The following ANXA11 variants were observed in gnomAD, a reference collection of about 807,000 sequenced individuals.
ANXA11 encodes the protein 56 kDa autoantigen.
In ANXA11, 57 loss-of-function variants were observed where a neutral mutation model predicts 64.7. The observed-to-expected ratio is 0.88, with a 90% CI of 0.71 to 1.10. The LOEUF (loss-of-function observed/expected upper bound fraction) is 1.10. Among genes scored for constraint, ANXA11 ranks in the 50% least tolerant of loss-of-function variants. The pLI, the probability that ANXA11 is intolerant of heterozygous loss-of-function variation, is 0.00. For missense variants in ANXA11, 675 were observed against 670.7 expected, an observed-to-expected ratio of 1.01 and a Z score of -0.07; for synonymous variants, 260 against 265.2, an observed-to-expected ratio of 0.98 and a Z score of 0.19.
At chr10:80,166,801 G>A (rs1021619632) in intron 7 of ANXA11, 89 bp downstream of exon 7, 7 of 1,017,428 alleles carry the variant, frequency 6.9e-6, no homozygotes, top group East Asian at 5.2e-5. Flanking sequence ...CGGGAGATCC[G>A]GGCCCACCCA....
intron 1 of ANXA11, among the ~76,000 whole-genome samples, chr10:80,199,469 A>G (rs1432972953): frequency 6.6e-6 from 1 of 152,082 alleles, no homozygotes; most frequent in Non-Finnish European, 1.5e-5. Flanking sequence ...AAATAAATGC[A>G]AAGAAAAACA....
At chr10:80,167,205 G>C (rs751599574) in intron 6 of ANXA11, 21 bp downstream of exon 6, 1 of 1,611,348 alleles carries the variant, frequency 6.2e-7, no homozygotes, top group Non-Finnish European at 8.5e-7. Flanking sequence ...AGTAGGATTT[G>C]AGCCACCCAG....
At chr10:80,171,039 G>A (rs1338987258) in intron 3 of ANXA11, 124 bp from the exon 4 acceptor site, 1 of 1,525,358 alleles carries the variant, frequency 6.6e-7, no homozygotes, top group South Asian at 1.2e-5. Flanking sequence ...TCGAGCCTCG[G>A]GACACCACAG....
In ANXA11 at chr10:80,178,210, G is replaced by GCTCTCT. The variant is rs3060571; in HGVS notation, c.-57-2061_-57-2056dup. ...CAGTGAGCTATAATCCAGAAGATCT[G>GCTCTCT]CTCTCTCTCTCTCTCTCTCTCTCTG... On this transcript the variant is annotated intron_variant, in intron 1 of 15. Transcript: ENST00000422982. Among the ~76,000 whole-genome samples the GCTCTCT allele has an allele frequency of 6.5e-3, 977 of 149,230 alleles. 4 individuals carry two copies. The highest frequency in any genetic ancestry group is 0.028 in the East Asian group (143 of 5,036).
At chr10:80,193,510 C>T (rs3098105) in intron 1 of ANXA11, among the ~76,000 whole-genome samples, 96,054 of 151,864 alleles carry the variant, frequency 0.63, 31,407 homozygotes, top group African/African-American at 0.8. Flanking sequence ...TTATAAAGCA[C>T]AATAAAATAA....
intron 1 of ANXA11, among the ~76,000 whole-genome samples, chr10:80,184,725 T>C (rs1846480393): frequency 6.6e-6 from 1 of 152,160 alleles, no homozygotes; most frequent in Admixed American, 6.5e-5. Flanking sequence ...GAGGGGGCAC[T>C]TGTCAATACA....
At chr10:80,157,522 A>C (rs1845320905) in intron 15 of ANXA11, 119 bp downstream of exon 15, 2 of 1,501,552 alleles carry the variant, frequency 1.3e-6, no homozygotes, top group Non-Finnish European at 1.8e-6. Context: ...TCCGAGGTCC[A>C]TAATCAAGAT....
intron 3 of ANXA11, 90 bp downstream of exon 3, chr10:80,172,717 G>A: frequency 7.7e-7 from 1 of 1,300,272 alleles, no homozygotes; most frequent in Admixed American, 1.7e-5. Flanking sequence ...GGGGAGGAGG[G>A]GAGTGAGGAA....
chr10:80,173,373 G>A lies in ANXA11; in HGVS notation c.-8-504C>T, dbSNP rs572482074. Among the ~76,000 whole-genome samples, 43 of 152,344 alleles carry A rather than the reference G, an allele frequency of 2.8e-4. 2 individuals carry two copies. In the South Asian group the frequency reaches 8.7e-3, roughly 31 times the overall value. ...CCAACCTCTGGTTCATCAGGCAAGG[G>A]GACCTGGTAAGGTATGGAATCATCG... is the stretch of plus-strand genomic sequence containing the variant. On this transcript the variant is annotated intron_variant, in intron 2 of 15. Transcript: ENST00000422982.
rs762653819 is a variant in ANXA11, at chr10:80,172,868, A to G, written c.-7T>C. The G allele has an allele frequency of 6.2e-7, 1 of 1,613,724 alleles. No individual in the cohort carries two copies. Among genetic ancestry groups the G allele is most frequent in the South Asian group, 1.1e-5 (1 of 91,038 alleles). On this transcript the variant is annotated splice_region_variant and 5_prime_UTR_variant, in exon 3 of 16. Coordinates refer to ENST00000422982, the MANE Select transcript of ANXA11 (RefSeq NM_145868.2). ...GATAGCCAGGGTAGCTCATGGTTAGATCTGGAAGAGAAGACGAAAGCACAT... is the reference window on the plus strand; with the variant it reads ...GATAGCCAGGGTAGCTCATGGTTAGGTCTGGAAGAGAAGACGAAAGCACAT...
intron 5 of ANXA11, 72 bp from the exon 6 acceptor site, chr10:80,167,385 C>T: frequency 2.2e-6 from 3 of 1,384,610 alleles, no homozygotes; most frequent in South Asian, 1.2e-5. Flanking sequence ...TGCTCCACCC[C>T]TAGACTCTGG....
intron 1 of ANXA11, among the ~76,000 whole-genome samples, chr10:80,204,310 T>C (rs865870609): frequency 1.2e-4 from 18 of 152,196 alleles, no homozygotes; most frequent in Admixed American, 3.3e-4. Context: ...GTTAATCCCC[T>C]GGAATCCCCA....
In ANXA11 at chr10:80,172,791, C is replaced by A. The variant is rs1442059406; in HGVS notation, c.55+16G>T. 3 of 1,613,522 alleles carry A rather than the reference C, an allele frequency of 1.9e-6. No homozygotes were observed. The highest frequency in any genetic ancestry group is 2.5e-6 in the Non-Finnish European group (3 of 1,179,516). On this transcript the variant is annotated intron_variant, in intron 3 of 15. Transcript: ENST00000422982. ...GAGGCAGCATTCACTCTCCTCCCCA[C>A]CCCAGACCCTCTTACCTGGTGCAGC...
At chr10:80,185,228 C>A (rs1846497108) in intron 1 of ANXA11, among the ~76,000 whole-genome samples, 1 of 152,160 alleles carries the variant, frequency 6.6e-6, no homozygotes, top group Admixed American at 6.5e-5. Flanking sequence ...CATCTACTGC[C>A]CCCAGAAGTC....
chr10:80,197,199 G>C (rs1048392383), intron 1 of ANXA11, among the ~76,000 whole-genome samples: 1 of 152,160 alleles, frequency 6.6e-6, no homozygotes, highest in Non-Finnish European at 1.5e-5. Flanking sequence ...GGATTTCCAG[G>C]CCAGTGCATT....
chr10:80,181,138 T>A (rs545437565), intron 1 of ANXA11: 1 of 152,360 alleles, frequency 6.6e-6, no homozygotes, highest in East Asian at 1.9e-4. Flanking sequence ...CAATAATCCC[T>A]GCTGATATAT....
intron 8 of ANXA11, among the ~76,000 whole-genome samples, chr10:80,164,489 G>A (rs7067644): frequency 0.42 from 63,734 of 151,972 alleles, 13,965 homozygotes; most frequent in African/African-American, 0.54. Flanking sequence ...GAGTTCAGCC[G>A]GAAGCGAGAT....
At chr10:80,156,055 AG>A in intron 15 of ANXA11, 143 bp from the exon 16 acceptor site, 1 of 782,488 alleles carries the variant, frequency 1.3e-6, no homozygotes, top group Non-Finnish European at 2.1e-6. Context: ...GTCCTGCAGC[AG>A]GCGTCACAGA....
chr10:80,195,496 T>C (rs1846945486), intron 1 of ANXA11, among the ~76,000 whole-genome samples: 1 of 152,144 alleles, frequency 6.6e-6, no homozygotes. Context: ...CTCAGGGACA[T>C]GCATGATGGA....
Sources: allele counts gnomAD v4.1 joint callset (sites outside exome capture counted in the v4.1 genomes callset), GRCh38; gene constraint gnomAD v4.1.1; transcripts MANE v1.5; gene names NCBI Gene and HGNC (gene_info 2026-07-23, HGNC 2026-07-21).